The following SBNO1 variants were observed in gnomAD, a reference collection of about 807,000 sequenced individuals.
The protein encoded by SBNO1 is strawberry notch homolog 1.
SBNO1 carries 23 observed loss-of-function variants against 173.6 expected under a neutral mutation model. The ratio of observed to expected loss-of-function variants is 0.13; its 90% confidence interval spans 0.10 to 0.19. The LOEUF is 0.19. Ranked by LOEUF, SBNO1 falls within the 10% of genes least tolerant of loss-of-function variation. The pLI is 1.00. For synonymous variants in SBNO1, 632 were observed against 571.5 expected, an observed-to-expected ratio of 1.11 and a Z score of -1.51; for missense variants, 1,238 against 1,671.2, an observed-to-expected ratio of 0.74 and a Z score of 4.52.
chr12:123,345,224 G>A (rs768451033), intron 4 of SBNO1, 34 bp downstream of exon 4: 15 of 1,546,604 alleles, frequency 9.7e-6, no homozygotes, highest in Non-Finnish European at 1.3e-5. Context: ...GCTTACCAGA[G>A]AGAGAAAGTT....
intron 5 of SBNO1, 30 bp downstream of exon 5, chr12:123,340,958 A>G: frequency 7.4e-7 from 1 of 1,347,144 alleles, no homozygotes; most frequent in Non-Finnish European, 1.1e-6. Flanking sequence ...ATACTACACA[A>G]AAATAAAGAC....
At chr12:123,349,536 C>T (rs886770772) in intron 2 of SBNO1, among the ~76,000 whole-genome samples, 14 of 129,536 alleles carry the variant, frequency 1.1e-4, no homozygotes, top group African/African-American at 4.9e-4. Flanking sequence ...ACTATCTATA[C>T]GTTTATAATA....
At chr12:123,364,145 C>A in intron 1 of SBNO1, 1 of 985,518 alleles carries the variant, frequency 1.0e-6, no homozygotes, top group Non-Finnish European at 1.2e-6. Context: ...CCGCGGCTTC[C>A]CCACCGCCCC....
chr12:123,296,804 C>A (rs1169993087), intron 31 of SBNO1, among the ~76,000 whole-genome samples: 1 of 151,842 alleles, frequency 6.6e-6, no homozygotes, highest in Non-Finnish European at 1.5e-5. Flanking sequence ...CATGATCCAC[C>A]TGCCTCGGCC....
chr12:123,348,855 G>C (rs1873537738), intron 2 of SBNO1: 1 of 152,030 alleles, frequency 6.6e-6, no homozygotes, highest in Admixed American at 6.6e-5. Flanking sequence ...AGCTACTCGG[G>C]AGGCTGAGGT....
intron 24 of SBNO1, among the ~76,000 whole-genome samples, chr12:123,312,650 G>A (rs1046932766): frequency 1.3e-5 from 2 of 151,352 alleles, no homozygotes; most frequent in African/African-American, 2.4e-5. Context: ...GGCGGAGGTT[G>A]CACTGAGCCA....
In SBNO1 at chr12:123,345,533, T is replaced by C; in HGVS notation, c.275A>G (p.Gln92Arg). The C allele has an allele frequency of 6.2e-7, 1 of 1,614,178 alleles. No homozygotes were observed. Among genetic ancestry groups the C allele is most frequent in the Non-Finnish European group, 8.5e-7 (1 of 1,180,032 alleles). The change falls in exon 4 of 32, where the codon CAA (glutamine) becomes CGA (arginine). Residue 92 changes from glutamine (Q) to arginine (R), a missense_variant. By Grantham distance (43) the Gln-to-Arg change is conservative. Around this residue, in one of 14 missense-constraint regions of SBNO1, gnomAD observed 287 missense variants for 274.1 expected, o/e 1.05. Coordinates refer to ENST00000602398, the MANE Select transcript of SBNO1 (RefSeq NM_001167856.3). ...PPSTTTFVLN[Q>R]INHLPPLGST... ...TCCCAAGGGTGGAAGATGATTTATT[T>C]GATTCAGCACAAATGTTGTAGTAGA...
Position 123,331,250 on chromosome 12 carries a change from T to C in SBNO1, c.1035A>G (p.Arg345=), listed in dbSNP as rs149825154. The part of the protein sequence containing the change: ...IYENYLLSRK[R]ALWFSVSNDL... ...AGTTTTTAAACACTTACCACAATGC[T>C]CGTTTTCTACTCAACAAATAATTTT... is the stretch of plus-strand genomic sequence containing the variant. The change falls in exon 8 of 32, where the codon CGA becomes CGG. Residue 345 remains arginine (R), a synonymous_variant. Coordinates refer to ENST00000602398, the MANE Select transcript of SBNO1 (RefSeq NM_001167856.3). The C allele has an allele frequency of 3.0e-5, 48 of 1,613,844 alleles. No homozygotes were observed. The African/African-American group carries it at 5.5e-4, about 18-fold the overall frequency.
intron 24 of SBNO1, among the ~76,000 whole-genome samples, chr12:123,311,693 T>A (rs11057257): frequency 9.2e-4 from 52 of 56,316 alleles, no homozygotes; most frequent in Non-Finnish European, 1.0e-3. Context: ...ACAAGTAACC[T>A]ATCTATCTAT....
rs79888551 is a variant in SBNO1 at position 123,300,292 on chromosome 12, C to T, written c.3846-2121G>A. On this transcript the variant is annotated intron_variant, in intron 30 of 31. Coordinates refer to ENST00000602398, the MANE Select transcript of SBNO1 (RefSeq NM_001167856.3). The stretch of plus-strand genomic sequence containing the variant: ...AGGAGGTTGGTCTCAAACTCCCGGC[C>T]TCAAGCAATCCTCTCATCTTGATCT... Among the ~76,000 whole-genome samples, 104 of 152,242 alleles carry T rather than the reference C, an allele frequency of 6.8e-4. No homozygotes were observed. In the East Asian group the frequency reaches 0.016, roughly 23 times the overall value.
At position 123,320,730 on chromosome 12, in the gene SBNO1, T is replaced by C. The variant is rs1869860210; in HGVS notation, c.2460A>G (p.Pro820=). The change falls in exon 18 of 32, where the codon CCA becomes CCG. Residue 820 remains proline (P), a synonymous_variant. Coordinates refer to ENST00000602398, the MANE Select transcript of SBNO1 (RefSeq NM_001167856.3). ...TACTGTTAGGAGCAGGTGAGATAAC[T>C]GGTGTAGATGAAAAACTAGGTCGTT... ...GSKRPSFSST[P]VISPAPNSTP... is the part of the protein sequence containing the mutation. 8.1e-6 allele frequency: 13 copies of C among 1,611,384 alleles called. No individual in the cohort carries two copies. The highest frequency in any genetic ancestry group is 1.0e-5 in the Non-Finnish European group (12 of 1,179,368).
chr12:123,340,843 T>A, intron 5 of SBNO1, 145 bp downstream of exon 5: 1 of 620,632 alleles, frequency 1.6e-6, no homozygotes, highest in Non-Finnish European at 2.8e-6. Context: ...CCAGCGAGGT[T>A]TAAGCATATC....
In SBNO1 at chr12:123,297,400, C is replaced by CAAAAAAAAAAAAAAAAAAAAAAAAAAAAA. The variant is rs59447456; in HGVS notation, c.4039+577_4039+578insTTTTTTTTTTTTTTTTTTTTTTTTTTTTT. On this transcript the variant is annotated intron_variant, in intron 31 of 31. Coordinates refer to ENST00000602398, the MANE Select transcript of SBNO1 (RefSeq NM_001167856.3). The stretch of plus-strand genomic sequence containing the variant: ...TACAACATCCCAAAATACTGGTGTC[C>CAAAAAAAAAAAAAAAAAAAAAAAAAAAAA]AAAAAAAAAAAAAAAAAAAAAATTC... Among the ~76,000 whole-genome samples the CAAAAAAAAAAAAAAAAAAAAAAAAAAAAA allele has an allele frequency of 6.3e-4, 20 of 31,512 alleles. 4 individuals carry two copies. The highest frequency in any genetic ancestry group is 1.3e-3 in the African/African-American group (12 of 9,490). 20.7% of individuals were successfully genotyped at this position (31,512 alleles called of 152,430 possible). A position where few individuals can be genotyped will look rare whatever the true frequency, so the allele number is the denominator to read the frequency against.
chr12:123,311,691 C>CTATCTATCTATCTAT (rs1424278237), intron 24 of SBNO1, among the ~76,000 whole-genome samples: 1 of 121,768 alleles, frequency 8.2e-6, no homozygotes, highest in African/African-American at 3.3e-5. Context: ...AAACAAGTAA[C>CTATCTATCTATCTAT]CTATCTATCT....
rs898317144 is a variant in SBNO1, at chr12:123,294,226, C to G, written c.*1682G>C. ...AAACTTACGGTAAGCTTGACATAAC[C>G]AAACTCAGGCTAAAGGAGACACAAG... On this transcript the variant is annotated 3_prime_UTR_variant, in exon 32 of 32. Coordinates refer to ENST00000602398, the MANE Select transcript of SBNO1 (RefSeq NM_001167856.3). 7 of 148,832 alleles carry G rather than the reference C, an allele frequency of 4.7e-5. No homozygotes were observed. The highest frequency in any genetic ancestry group is 7.5e-5 in the Non-Finnish European group (5 of 67,002). 9.2% of individuals were successfully genotyped at this position (148,832 alleles called of 1,614,324 possible).
Position 123,325,609 on chromosome 12 carries a change from A to G in SBNO1, c.1876-10T>C. 1 of 1,518,522 alleles carries G rather than the reference A, an allele frequency of 6.6e-7. No homozygotes were observed. The highest frequency in any genetic ancestry group is 9.1e-7 in the Non-Finnish European group (1 of 1,099,160). 94.1% of individuals were successfully genotyped at this position (1,518,522 alleles called of 1,614,324 possible). ...GACCAATTACAACACACTGGAGAAA[A>G]AAGAAAACATGTTAATTATGAATAA... On this transcript the variant is annotated splice_polypyrimidine_tract_variant and intron_variant, in intron 14 of 31. Transcript: ENST00000602398.
chr12:123,312,102 C>G (rs1252069182), intron 24 of SBNO1, among the ~76,000 whole-genome samples: 1 of 147,926 alleles, frequency 6.8e-6, no homozygotes, highest in African/African-American at 2.5e-5. Flanking sequence ...TTTTCTGAGA[C>G]AGGGTCTCTC....
chr12:123,361,589 C>T (rs1241987327), intron 1 of SBNO1, among the ~76,000 whole-genome samples: 1 of 151,666 alleles, frequency 6.6e-6, no homozygotes. Context: ...CAAAAATTAG[C>T]TGGGCGTGGT....
chr12:123,323,682 T>G lies in SBNO1; in HGVS notation c.2123A>C (p.Lys708Thr), dbSNP rs377430140. The change falls in exon 16 of 32, where the codon AAA becomes ACA. Residue 708 changes from lysine to threonine, a missense_variant and splice_region_variant. By Grantham distance (78) the Lys-to-Thr change is moderately conservative. This residue lies in a region of SBNO1 where 81 missense variants were observed against 82.6 expected (regional missense o/e 0.98). Coordinates refer to ENST00000602398, the MANE Select transcript of SBNO1 (RefSeq NM_001167856.3). ...TTTTTCTTTTTTAAAGTGCTCACCTTTCCGCTTCTTTATTTTATTTTCTTT... is the reference window on the plus strand; with the variant it reads ...TTTTTCTTTTTTAAAGTGCTCACCTGTCCGCTTCTTTATTTTATTTTCTTT... ...PCKENKIKKR[K>T]GEEITREAKK... 4 of 1,602,690 alleles carry G rather than the reference T, an allele frequency of 2.5e-6. No individual in the cohort carries two copies. The highest frequency in any genetic ancestry group is 3.4e-6 in the Non-Finnish European group (4 of 1,176,442).
Sources: allele counts gnomAD v4.1 joint callset (sites outside exome capture counted in the v4.1 genomes callset), GRCh38; gene constraint gnomAD v4.1.1; regional missense constraint gnomAD v4.1.1; transcripts MANE v1.5; gene names NCBI Gene and HGNC (gene_info 2026-07-23, HGNC 2026-07-21).